Variants in SCN1B observed in about 807,000 individuals in gnomAD.
The protein encoded by SCN1B is sodium voltage-gated channel beta subunit 1, also known as sodium channel regulatory subunit beta-1.
In SCN1B, 11 loss-of-function variants were observed where a neutral mutation model predicts 25.7. The observed-to-expected ratio is 0.43, with a 90% CI of 0.27 to 0.71. SCN1B has a LOEUF of 0.71. Ranked by LOEUF, SCN1B falls within the 30% of genes least tolerant of loss-of-function variation. The pLI is 0.21. For missense variants in SCN1B, 224 were observed against 291.5 expected, an observed-to-expected ratio of 0.77 and a Z score of 1.69; for synonymous variants, 119 against 117.5, an observed-to-expected ratio of 1.01 and a Z score of -0.08.
chr19:35,032,560 G>A lies in SCN1B; in HGVS notation c.73G>A (p.Asp25Asn), dbSNP rs786205837. 3.7e-6 allele frequency: 6 copies of A among 1,613,906 alleles called. No homozygotes were observed. Among genetic ancestry groups the A allele is most frequent in the Non-Finnish European group, 5.1e-6 (6 of 1,180,052 alleles). Residue 25 changes from aspartate (D) to asparagine (N), a missense_variant, in exon 2 of 6, where the codon GAC becomes AAC. Asp to Asn is a conservative substitution (Grantham distance 23, BLOSUM62 1). This residue lies in a region of SCN1B where 46 missense variants were observed against 35.8 expected (regional missense o/e 1.29). Coordinates refer to ENST00000262631, the MANE Select transcript of SCN1B (RefSeq NM_001037.5). The surrounding 1 kb of genome is among the most constrained non-coding windows in gnomAD (Gnocchi z 4.3). ...SSACGGCVEV[D>N]SETEAVYGMT... is the part of the protein sequence containing the mutation. ...AGCCTGCGGGGGCTGCGTGGAGGTG[G>A]ACTCGGAGACCGAGGCCGTGTATGG...
chr19:35,032,761 T>C lies in SCN1B; in HGVS notation c.207+67T>C. ...ACGAGTGGGAGGCGGTGGGGCTGGA[T>C]CTCAGGGAGGGGGCTTATTTGTTTA... On this transcript the variant is annotated intron_variant, in intron 2 of 5. Coordinates refer to ENST00000262631, the MANE Select transcript of SCN1B (RefSeq NM_001037.5). The surrounding 1 kb of genome is among the most constrained non-coding windows in gnomAD (Gnocchi z 4.3). The C allele has an allele frequency of 6.4e-7, 1 of 1,551,320 alleles. No individual in the cohort carries two copies. The highest frequency in any genetic ancestry group is 8.9e-7 in the Non-Finnish European group (1 of 1,129,658).
At chr19:35,036,359 A>G (rs552941069) in intron 3 of SCN1B, 2 of 152,116 alleles carry the variant, frequency 1.3e-5, no homozygotes, top group Non-Finnish European at 2.9e-5. Context: ...TTTTAACATG[A>G]CTCATTGTGC....
At chr19:35,034,327 C>T (rs968461461) in intron 3 of SCN1B, 36 of 669,648 alleles carry the variant, frequency 5.4e-5, no homozygotes, top group African/African-American at 4.5e-4. Context: ...TGCAGTCTCA[C>T]TCAACACCTC....
At position 35,030,491 on chromosome 19, in the gene SCN1B, C is replaced by T; in HGVS notation, c.-330C>T. 2 of 167,302 alleles carry T rather than the reference C, an allele frequency of 1.2e-5. No individual in the cohort carries two copies. The highest frequency in any genetic ancestry group is 1.7e-4 in the South Asian group (1 of 5,944). 10.4% of individuals were successfully genotyped at this position (167,302 alleles called of 1,614,324 possible). ...CTGCAGTGCGCAGGAGACCGCGGTC[C>T]GCGCCCGAGCGCGCCCGAGCCGGAG... On this transcript the variant is annotated 5_prime_UTR_variant, in exon 1 of 6. Coordinates refer to ENST00000262631, the MANE Select transcript of SCN1B (RefSeq NM_001037.5).
In SCN1B at chr19:35,033,900, C is replaced by A. The variant is rs1477139588; in HGVS notation, c.448+161C>A. 1.1e-5 allele frequency: 17 copies of A among 1,585,284 alleles called. No homozygotes were observed. The highest frequency in any genetic ancestry group is 1.4e-5 in the Non-Finnish European group (16 of 1,165,388). On this transcript the variant is annotated intron_variant, in intron 3 of 5. Transcript: ENST00000262631. ...AGGGGAGCAGCCCCTCCTGCCCACT[C>A]CAGCTCTGGCCTCTGTTTCTCTCCA...
intron 4 of SCN1B, 180 bp downstream of exon 4, chr19:35,039,438 C>T: frequency 9.9e-7 from 1 of 1,010,984 alleles, no homozygotes; most frequent in Non-Finnish European, 1.5e-6. Context: ...GACCCAGCCC[C>T]TTCCTCCCTC....
In SCN1B at chr19:35,033,664, C is replaced by G; in HGVS notation, c.373C>G (p.Arg125Gly). 1.2e-6 allele frequency: 2 copies of G among 1,614,182 alleles called. No individual in the cohort carries two copies. Among genetic ancestry groups the G allele is most frequent in the Non-Finnish European group, 1.7e-6 (2 of 1,180,034 alleles). The change falls in exon 3 of 6, where the codon CGC (arginine) becomes GGC (glycine). Residue 125 changes from arginine to glycine, a missense_variant. By Grantham distance (125) the Arg-to-Gly change is moderately radical. This residue lies in a region of SCN1B where 126 missense variants were observed against 204.9 expected (regional missense o/e 0.61). Transcript: ENST00000262631. Reference sequence around the variant, plus strand: ...GGGCGACTACGAGTGCCACGTCTACCGCCTGCTCTTCTTCGAAAACTACGA... The same window carrying G: ...GGGCGACTACGAGTGCCACGTCTACGGCCTGCTCTTCTTCGAAAACTACGA... ...HSGDYECHVY[R>G]LLFFENYEHN...
rs551081831 is a variant in SCN1B, at chr19:35,040,125, C to T, written c.*334C>T. On this transcript the variant is annotated 3_prime_UTR_variant, in exon 6 of 6. Transcript: ENST00000262631. ...CCCCTCCTCCTTGCTGATTTGCACA[C>T]ATTGGCCGCTTCAGACACGCACTTC... 5.1e-4 allele frequency: 115 copies of T among 225,984 alleles called. 2 individuals carry two copies. The South Asian group carries it at 7.0e-3, about 14-fold the overall frequency. The allele number at this position is 225,984 out of a possible 1,614,324, so 14.0% of individuals were successfully genotyped here.
intron 4 of SCN1B, 67 bp downstream of exon 4, chr19:35,039,325 C>G: frequency 6.3e-7 from 1 of 1,599,340 alleles, no homozygotes; most frequent in South Asian, 1.1e-5. Context: ...AGAGGAACTC[C>G]GGAGCCCGGG....
Position 35,039,808 on chromosome 19 carries a change from C to T in SCN1B, c.*17C>T, listed in dbSNP as rs1057522560. ...TTGCTCCCCTTCAGGCCCTGGGCCCCGCCTCAAGGAAGAGCCAGCCGTAAT... is the reference window on the plus strand; with the variant it reads ...TTGCTCCCCTTCAGGCCCTGGGCCCTGCCTCAAGGAAGAGCCAGCCGTAAT... On this transcript the variant is annotated 3_prime_UTR_variant, in exon 6 of 6. Coordinates refer to ENST00000262631, the MANE Select transcript of SCN1B (RefSeq NM_001037.5). 1.1e-5 allele frequency: 13 copies of T among 1,237,158 alleles called. No homozygotes were observed. Among genetic ancestry groups the T allele is most frequent in the Middle Eastern group, 2.5e-4 (1 of 3,936 alleles). The allele number at this position is 1,237,158 out of a possible 1,614,324, so 76.6% of individuals were successfully genotyped here. A position where few individuals can be genotyped will look rare whatever the true frequency, so the allele number is the denominator to read the frequency against.
intron 5 of SCN1B, 43 bp downstream of exon 5, chr19:35,039,749 G>GC: frequency 6.3e-7 from 1 of 1,592,068 alleles, no homozygotes. Context: ...ATTGGGAGGG[G>GC]CCGAAGTCCC....
Position 35,034,191 on chromosome 19 carries a change from C to T in SCN1B, c.448+452C>T, listed in dbSNP as rs898068226. The T allele has an allele frequency of 1.6e-4, 242 of 1,537,608 alleles. 1 individual carries two copies. The African/African-American group carries it at 2.1e-3, about 14-fold the overall frequency. On this transcript the variant is annotated intron_variant, in intron 3 of 5. Transcript: ENST00000262631. ...GCCTTGCAGGTGGTGGCGAGGGTGGCGGTTCTTACTGTTCGAGTAGCTCAG... is the reference window on the plus strand; with the variant it reads ...GCCTTGCAGGTGGTGGCGAGGGTGGTGGTTCTTACTGTTCGAGTAGCTCAG...
chr19:35,039,086 C>T, intron 3 of SCN1B, 31 bp from the exon 4 acceptor site: 1 of 1,613,790 alleles, frequency 6.2e-7, no homozygotes, highest in Middle Eastern at 1.7e-4. Flanking sequence ...GCAGCCTGGG[C>T]TACCCCCTTA....
chr19:35,035,827 C>A (rs2064244229), intron 3 of SCN1B: 1 of 152,110 alleles, frequency 6.6e-6, no homozygotes, highest in African/African-American at 2.4e-5. Context: ...TTTTATATTA[C>A]ACAATATATT....
In SCN1B at chr19:35,032,451, C is replaced by G; in HGVS notation, c.41-77C>G. The G allele has an allele frequency of 6.5e-7, 1 of 1,548,732 alleles. No homozygotes were observed. The highest frequency in any genetic ancestry group is 8.8e-7 in the Non-Finnish European group (1 of 1,130,184). On this transcript the variant is annotated intron_variant, in intron 1 of 5. Coordinates refer to ENST00000262631, the MANE Select transcript of SCN1B (RefSeq NM_001037.5). The surrounding 1 kb of genome is among the most constrained non-coding windows in gnomAD (Gnocchi z 4.3). The stretch of plus-strand genomic sequence containing the variant: ...CTGCTGGTAATCATTGAGGGGGGAA[C>G]AGATGGTTTGTGAGGGGTCTGGCAT...
intron 1 of SCN1B, chr19:35,031,472 G>A (rs899464457): frequency 1.3e-5 from 2 of 152,376 alleles, no homozygotes; most frequent in Non-Finnish European, 1.5e-5. Context: ...GGGTGCCCGT[G>A]AACACCGGGA....
Position 35,030,781 on chromosome 19 carries a change from C to A in SCN1B, c.-40C>A. The A allele has an allele frequency of 1.2e-6, 1 of 867,328 alleles. No individual in the cohort carries two copies. Among genetic ancestry groups the A allele is most frequent in the Non-Finnish European group, 1.6e-6 (1 of 640,894 alleles). 53.7% of individuals were successfully genotyped at this position (867,328 alleles called of 1,614,324 possible). On this transcript the variant is annotated 5_prime_UTR_variant, in exon 1 of 6. Transcript: ENST00000262631. ...CCGCCTCTCGCCCCGCTATTAATAC[C>A]GGCGGCCCGGGAGGGGGGCGCAGCA... is the stretch of plus-strand genomic sequence containing the variant.
chr19:35,035,126 T>G (rs1247988904), intron 3 of SCN1B: 1 of 152,184 alleles, frequency 6.6e-6, no homozygotes, highest in Non-Finnish European at 1.5e-5. Flanking sequence ...CCTGTGTTAT[T>G]GCTCTTGCAA....
Position 35,032,839 on chromosome 19 carries a change from C to T in SCN1B, c.207+145C>T. The T allele has an allele frequency of 2.0e-6, 2 of 1,010,836 alleles. No individual in the cohort carries two copies. The highest frequency in any genetic ancestry group is 2.9e-6 in the Non-Finnish European group (2 of 680,950). The allele number at this position is 1,010,836 out of a possible 1,614,324, so 62.6% of individuals were successfully genotyped here. A position where few individuals can be genotyped will look rare whatever the true frequency, so the allele number is the denominator to read the frequency against. Reference sequence around the variant, plus strand: ...TTCAGATTCTGGCTCCACCAGTGGCCAGCTGGTGACCTTGGCCAAGTCAGT... The same window carrying T: ...TTCAGATTCTGGCTCCACCAGTGGCTAGCTGGTGACCTTGGCCAAGTCAGT... On this transcript the variant is annotated intron_variant, in intron 2 of 5. Transcript: ENST00000262631. The surrounding 1 kb of genome is among the most constrained non-coding windows in gnomAD (Gnocchi z 4.3).
Sources: gnomAD v4.1 joint callset for allele counts on GRCh38, gnomAD v4.1.1 for gene constraint, gnomAD v4.1.1 regional missense constraint, Gnocchi (gnomAD v3.1) non-coding constraint, MANE v1.5 for transcripts, NCBI Gene and HGNC (gene_info 2026-07-23, HGNC 2026-07-21) for gene names.